DGKH: variants seen among roughly 807,000 people sequenced by gnomAD.
DGKH encodes DAG kinase eta.
In DGKH, 90 loss-of-function variants were observed where a neutral mutation model predicts 159.3. The ratio of observed to expected loss-of-function variants is 0.57; its 90% CI spans 0.48 to 0.67. The LOEUF (loss-of-function observed/expected upper bound fraction) is 0.67, where lower values mean the gene tolerates loss of function less well. Ranked by LOEUF, DGKH falls within the 30% of genes least tolerant of loss-of-function variation. The pLI is 0.00. For missense variants in DGKH, 1,181 were observed against 1,506.1 expected, an observed-to-expected ratio of 0.78 and a Z score of 3.57; for synonymous variants, 536 against 553.8, an observed-to-expected ratio of 0.97 and a Z score of 0.45.
At chr13:42,064,167 C>G (rs996611978) in intron 1 of DGKH, among the ~76,000 whole-genome samples, 1 of 151,982 alleles carries the variant, frequency 6.6e-6, no homozygotes, top group Non-Finnish European at 1.5e-5. Flanking sequence ...GTTGGCACTT[C>G]TAGAAATTAT....
In DGKH at chr13:42,229,301, C is replaced by T; in HGVS notation, c.*113C>T. 5.7e-6 allele frequency: 5 copies of T among 873,314 alleles called. No individual in the cohort carries two copies. The highest frequency in any genetic ancestry group is 8.8e-6 in the Non-Finnish European group (5 of 569,956). The allele number at this position is 873,314 out of a possible 1,614,324, so 54.1% of individuals were successfully genotyped here. A position where few individuals can be genotyped will look rare whatever the true frequency, so the allele number is the denominator to read the frequency against. On this transcript the variant is annotated 3_prime_UTR_variant, in exon 30 of 30. Coordinates refer to ENST00000337343, the MANE Select transcript of DGKH (RefSeq NM_178009.5). ...CATAGATAAGTAAGCACCACTGAAG[C>T]ACCTCTGTGGCTTGATATTTTGCTG...
intron 29 of DGKH, among the ~76,000 whole-genome samples, chr13:42,223,532 C>T (rs918565824): frequency 4.6e-5 from 7 of 152,034 alleles, no homozygotes; most frequent in African/African-American, 9.7e-5. Flanking sequence ...GAGTCCGAGG[C>T]GGGCGGATCA....
intron 1 of DGKH, among the ~76,000 whole-genome samples, chr13:42,041,139 G>GGAACCGCTGGC (rs1242539392): frequency 2.0e-5 from 3 of 152,184 alleles, no homozygotes; most frequent in Non-Finnish European, 4.4e-5. Flanking sequence ...CTCTCCCCGA[G>GGAACCGCTGGC]GAACCGCTGG....
intron 1 of DGKH, among the ~76,000 whole-genome samples, chr13:42,088,298 A>T (rs1954348632): frequency 6.6e-6 from 1 of 152,208 alleles, no homozygotes. Context: ...TAAAAATAGT[A>T]CCAGATGAAA....
At position 42,232,454 on chromosome 13, in the gene DGKH, C is replaced by G; in HGVS notation, c.*3266C>G. On this transcript the variant is annotated 3_prime_UTR_variant, in exon 30 of 30. Coordinates refer to ENST00000337343, the MANE Select transcript of DGKH (RefSeq NM_178009.5). The stretch of plus-strand genomic sequence containing the variant: ...AATATTTCTCTTTAGTGTCTCTTCA[C>G]CTCCCTTTCTGAGTTTCTTTCCTAC... 1 of 152,154 alleles carries G rather than the reference C, an allele frequency of 6.6e-6. No individual in the cohort carries two copies. Among genetic ancestry groups the G allele is most frequent in the Non-Finnish European group, 1.5e-5 (1 of 68,022 alleles). The allele number at this position is 152,154 out of a possible 1,614,324, so 9.4% of individuals were successfully genotyped here.
intron 29 of DGKH, among the ~76,000 whole-genome samples, chr13:42,223,549 CAGGAGATCG>C (rs1958040838): frequency 6.6e-6 from 1 of 152,010 alleles, no homozygotes; most frequent in Admixed American, 6.6e-5. Flanking sequence ...ATCACGAGGT[CAGGAGATCG>C]AGACCATCTG....
chr13:42,247,601 G>A (rs986216128), downstream of DGKH, among the ~76,000 whole-genome samples: 20 of 152,174 alleles, frequency 1.3e-4, no homozygotes, highest in Non-Finnish European at 2.5e-4. Flanking sequence ...CTATGAAACA[G>A]CCTCAGGCAG....
At chr13:42,252,757 T>G (rs1411765171) in intron 30 of DGKH, among the ~76,000 whole-genome samples, 1 of 152,042 alleles carries the variant, frequency 6.6e-6, no homozygotes, top group East Asian at 1.9e-4. Context: ...TACAACTTTT[T>G]TTTTTTTTGA....
chr13:42,143,852 T>C lies in DGKH; in HGVS notation c.385-11439T>C, dbSNP rs1490051604. Among the ~76,000 whole-genome samples, 12 of 152,338 alleles carry C rather than the reference T, an allele frequency of 7.9e-5. No individual in the cohort carries two copies. The East Asian group carries it at 2.3e-3, about 29-fold the overall frequency. On this transcript the variant is annotated intron_variant, in intron 3 of 29. Transcript: ENST00000337343. ...TTGTTGATCTTTTAAAAAAACCAGC[T>C]TCTGGATTCATTGATTTTTTGAAGG... is the stretch of plus-strand genomic sequence containing the variant.
At chr13:42,213,195 C>T (rs982525307) in intron 24 of DGKH, among the ~76,000 whole-genome samples, 2 of 152,038 alleles carry the variant, frequency 1.3e-5, no homozygotes, top group African/African-American at 2.4e-5. Flanking sequence ...AAATGATAGA[C>T]TAAAGCAGTA....
intron 1 of DGKH, among the ~76,000 whole-genome samples, chr13:42,058,446 G>A (rs1008239224): frequency 7.9e-5 from 12 of 151,806 alleles, no homozygotes; most frequent in Admixed American, 5.9e-4. Flanking sequence ...TAAACCAGCT[G>A]TTGTCATTTT....
In DGKH at chr13:42,166,549, T is replaced by G; in HGVS notation, c.993T>G (p.Ser331Arg). 6.3e-7 allele frequency: 1 copy of G among 1,593,446 alleles called. No homozygotes were observed. Among genetic ancestry groups the G allele is most frequent in the Non-Finnish European group, 8.5e-7 (1 of 1,170,410 alleles). Residue 331 changes from serine (S) to arginine (R), a missense_variant, in exon 9 of 30, where the codon AGT becomes AGG. This residue lies in a region of DGKH where 369 missense variants were observed against 519.4 expected (regional missense o/e 0.71). Coordinates refer to ENST00000337343, the MANE Select transcript of DGKH (RefSeq NM_178009.5). The part of the protein sequence containing the change: ...FCRATFSFCV[S>R]PLLVFVNSKS... ...GAGCAACATTTTCGTTCTGTGTTAG[T>G]CCTCTATTGGTTTTTGTCAATTCTA...
chr13:42,205,882 A>T (rs1179764630), intron 20 of DGKH, among the ~76,000 whole-genome samples, 157 bp from the exon 21 acceptor site: 4 of 152,216 alleles, frequency 2.6e-5, no homozygotes, highest in Non-Finnish European at 5.9e-5. Flanking sequence ...TTAATTAAAA[A>T]AAATAAGATA....
chr13:42,083,551 C>T (rs1213583355), intron 1 of DGKH, among the ~76,000 whole-genome samples: 1 of 152,196 alleles, frequency 6.6e-6, no homozygotes, highest in East Asian at 1.9e-4. Context: ...CTAGCGCCGC[C>T]GCTGTAGGCG....
intron 24 of DGKH, among the ~76,000 whole-genome samples, chr13:42,213,129 C>T (rs975489195): frequency 6.6e-6 from 1 of 152,070 alleles, no homozygotes; most frequent in Admixed American, 6.6e-5. Context: ...TTCTGGACGA[C>T]AGCAAAGCTG....
chr13:42,082,608 T>C (rs539953357), intron 1 of DGKH, among the ~76,000 whole-genome samples: 2 of 152,324 alleles, frequency 1.3e-5, no homozygotes, highest in East Asian at 3.9e-4. Context: ...TGTCCTGCAG[T>C]AGAAATAATG....
At chr13:42,091,475 A>C (rs973787015) in intron 1 of DGKH, among the ~76,000 whole-genome samples, 3 of 152,178 alleles carry the variant, frequency 2.0e-5, no homozygotes, top group African/African-American at 7.2e-5. Context: ...AAATACAAAC[A>C]ACCCAATTAA....
At chr13:42,153,964 T>G (rs1157573635) in intron 3 of DGKH, 3 of 152,216 alleles carry the variant, frequency 2.0e-5, no homozygotes. Context: ...AAGGAAGGAT[T>G]CTGTAGCCTA....
chr13:42,106,727 A>G (rs1594035646), intron 1 of DGKH, among the ~76,000 whole-genome samples: 1 of 152,330 alleles, frequency 6.6e-6, no homozygotes, highest in East Asian at 1.9e-4. Context: ...TACAGATTTC[A>G]GAATTCATAT....
Sources: gnomAD v4.1 joint callset for allele counts (sites outside exome capture counted in the v4.1 genomes callset) on GRCh38, gnomAD v4.1.1 for gene constraint, gnomAD v4.1.1 regional missense constraint, MANE v1.5 for transcripts, NCBI Gene and HGNC (gene_info 2026-07-23, HGNC 2026-07-21) for gene names.